The following DCHS1 variants were observed in gnomAD, a reference collection of about 807,000 sequenced individuals.
DCHS1 encodes the protein protocadherin-16.
Under a neutral mutation model 213.9 loss-of-function variants are expected in DCHS1, and 78 were observed. That is an observed-to-expected ratio of 0.36 (90% CI 0.30 to 0.44). The LOEUF (loss-of-function observed/expected upper bound fraction) is 0.44. Among genes scored for constraint, DCHS1 ranks in the 20% least tolerant of loss-of-function variants. DCHS1 has a pLI of 1.00. For synonymous variants in DCHS1, 1,828 were observed against 1,873.7 expected, an observed-to-expected ratio of 0.98 and a Z score of 0.63; for missense variants, 3,946 against 4,395.9, an observed-to-expected ratio of 0.90 and a Z score of 2.89.
At position 6,633,065 on chromosome 11, in the gene DCHS1, G is replaced by C; in HGVS notation, c.2456-9C>G. 6.3e-7 allele frequency: 1 copy of C among 1,580,452 alleles called. No individual in the cohort carries two copies. Among genetic ancestry groups the C allele is most frequent in the Non-Finnish European group, 8.6e-7 (1 of 1,160,972 alleles). On this transcript the variant is annotated splice_polypyrimidine_tract_variant and intron_variant, in intron 5 of 20. Coordinates refer to ENST00000299441, the MANE Select transcript of DCHS1 (RefSeq NM_003737.4). ...CACAGGTGCCAAGCGACCTAGGGAG[G>C]ATGAAAAAGGGATCAGGAAAGAGAT...
chr11:6,623,018 A>G lies in DCHS1; in HGVS notation c.8658T>C (p.Gly2886=). ...GTGCTTCCCGCCGGGTCCGGCCCCCACCCCCAGAGGTGGCTGTTCCGCTGC... is the reference window on the plus strand; with the variant it reads ...GTGCTTCCCGCCGGGTCCGGCCCCCGCCCCCAGAGGTGGCTGTTCCGCTGC... The part of the protein sequence containing the change: ...APGSGTATSG[G]GGRTRREAPR... The change falls in exon 21 of 21, where the codon GGT becomes GGC. Residue 2886 remains glycine, a synonymous_variant. Transcript: ENST00000299441. 1 of 1,572,262 alleles carries G rather than the reference A, an allele frequency of 6.4e-7. No homozygotes were observed. Among genetic ancestry groups the G allele is most frequent in the Non-Finnish European group, 8.6e-7 (1 of 1,159,498 alleles).
intron 1 of DCHS1, among the ~76,000 whole-genome samples, chr11:6,644,796 A>T (rs1856132644): frequency 1.3e-5 from 2 of 152,286 alleles, no homozygotes; most frequent in South Asian, 4.1e-4. Context: ...ACACACACAA[A>T]CACATGTGAG....
In DCHS1 at chr11:6,624,773, G is replaced by A. The variant is rs749915710; in HGVS notation, c.7242C>T (p.His2414=). ...DSGANGHISY[H]LASPADGFSV... is the part of the protein sequence containing the mutation. ...TGAAGCCATCGGCAGGGGAAGCCAG[G>A]TGGTAGGAAATGTGACCGTTGGCAC... Residue 2414 remains histidine, a synonymous_variant, in exon 20 of 21, where the codon CAC becomes CAT. Transcript: ENST00000299441. 1 of 1,613,936 alleles carries A rather than the reference G, an allele frequency of 6.2e-7. No individual in the cohort carries two copies. The highest frequency in any genetic ancestry group is 1.1e-5 in the South Asian group (1 of 91,060).
Position 6,640,644 on chromosome 11 carries a change from G to C in DCHS1, c.970C>G (p.Gln324Glu), listed in dbSNP as rs1211494469. The change falls in exon 2 of 21, where the codon CAG (glutamine) becomes GAG (glutamate). Residue 324 changes from glutamine to glutamate, a missense_variant. This residue lies in a region of DCHS1 where 3,384 missense variants were observed against 3,780.1 expected (regional missense o/e 0.90). Coordinates refer to ENST00000299441, the MANE Select transcript of DCHS1 (RefSeq NM_003737.4). The surrounding 1 kb of genome is among the most constrained non-coding windows in gnomAD (Gnocchi z 6.5). Reference sequence around the variant, plus strand: ...ACCACCAGTTCATGGACCCGCCGCTGCTCAAAGTCCAGTGGCCGCTCTAAC... The same window carrying C: ...ACCACCAGTTCATGGACCCGCCGCTCCTCAAAGTCCAGTGGCCGCTCTAAC... Reference protein sequence around the residue: ...LQLERPLDFEQRRVHELVVQA... With the variant: ...LQLERPLDFEERRVHELVVQA... 6.2e-7 allele frequency: 1 copy of C among 1,612,174 alleles called. No individual in the cohort carries two copies. Among genetic ancestry groups the C allele is most frequent in the African/African-American group, 1.3e-5 (1 of 74,922 alleles).
chr11:6,630,185 TGAC>T lies in DCHS1; in HGVS notation c.4606_4608del (p.Val1536del). 1 of 1,593,038 alleles carries T rather than the reference TGAC, an allele frequency of 6.3e-7. No homozygotes were observed. Among genetic ancestry groups the T allele is most frequent in the Non-Finnish European group, 8.5e-7 (1 of 1,170,324 alleles). On this transcript the variant is annotated inframe_deletion, in exon 10 of 21. Transcript: ENST00000299441. ...ACAGGCGCGTTGTCATTCTCATCCG[TGAC>T]GAAGACGCGCGCTGAAACGCGCGCT...
rs754088040 is a variant in DCHS1, at chr11:6,624,162, T to C, written c.7514A>G (p.Glu2505Gly). 1 of 1,612,924 alleles carries C rather than the reference T, an allele frequency of 6.2e-7. No homozygotes were observed. Among genetic ancestry groups the C allele is most frequent in the Non-Finnish European group, 8.5e-7 (1 of 1,179,584 alleles). The change falls in exon 21 of 21, where the codon GAG (glutamate) becomes GGG (glycine). Residue 2505 changes from glutamate to glycine, a missense_variant. This residue lies in a region of DCHS1 where 3,384 missense variants were observed against 3,780.1 expected (regional missense o/e 0.90). Coordinates refer to ENST00000299441, the MANE Select transcript of DCHS1 (RefSeq NM_003737.4). ...LPPGSTLLTL[E>G]ATDADGSRSH... ...GCGGCTTCCATCAGCATCTGTAGCC[T>C]CCAGGGTGAGCAGAGTGGAGCCAGG...
Position 6,626,170 on chromosome 11 carries a change from T to G in DCHS1, c.6575A>C (p.Gln2192Pro). The G allele has an allele frequency of 6.2e-7, 1 of 1,604,800 alleles. No homozygotes were observed. Among genetic ancestry groups the G allele is most frequent in the Non-Finnish European group, 8.5e-7 (1 of 1,175,738 alleles). Residue 2192 changes from glutamine to proline, a missense_variant and splice_region_variant, in exon 16 of 21, where the codon CAG becomes CCG. Around this residue, in one of 3 missense-constraint regions of DCHS1, gnomAD observed 3,384 missense variants for 3,780.1 expected, o/e 0.90. Coordinates refer to ENST00000299441, the MANE Select transcript of DCHS1 (RefSeq NM_003737.4). The surrounding 1 kb of genome is among the most constrained non-coding windows in gnomAD (Gnocchi z 5.2). ...ESRPLEGPLL[Q>P]VEADDLDQGS... ...CAATCTTTCCATCACACCCCGCACC[T>G]GCAGCAGGGGCCCCTCCAAGGGCCG...
At position 6,626,850 on chromosome 11, in the gene DCHS1, C is replaced by G. The variant is rs199748499; in HGVS notation, c.6189G>C (p.Glu2063Asp). The change falls in exon 14 of 21, where the codon GAG becomes GAC. Residue 2063 changes from glutamate to aspartate, a missense_variant. Around this residue, in one of 3 missense-constraint regions of DCHS1, gnomAD observed 3,384 missense variants for 3,780.1 expected, o/e 0.90. Coordinates refer to ENST00000299441, the MANE Select transcript of DCHS1 (RefSeq NM_003737.4). This position sits in a 1 kb window ranked among gnomAD's most constrained non-coding sequence, Gnocchi z 5.2. ...TAGCCCGGGGAAAGCGGGGTCCACG[C>G]TCAGCTTCCCCCTGCAGTCCAACAA... ...VIIVGLQGEA[E>D]RGPRFPRASS... 34 of 1,613,348 alleles carry G rather than the reference C, an allele frequency of 2.1e-5. No homozygotes were observed. The African/African-American group carries it at 3.1e-4, about 15-fold the overall frequency.
intron 2 of DCHS1, among the ~76,000 whole-genome samples, chr11:6,637,654 T>A (rs1200191105): frequency 6.6e-6 from 1 of 151,962 alleles, no homozygotes; most frequent in Admixed American, 6.6e-5. Context: ...GATACTCTCA[T>A]AAATTGCTCA....
intron 12 of DCHS1, among the ~76,000 whole-genome samples, 185 bp downstream of exon 12, chr11:6,629,267 T>G (rs1855861477): frequency 6.6e-6 from 1 of 152,210 alleles, no homozygotes; most frequent in Non-Finnish European, 1.5e-5. Context: ...GTTGTGACAG[T>G]CTAGAAGTCA....
intron 2 of DCHS1, among the ~76,000 whole-genome samples, chr11:6,637,187 A>T (rs1855997812): frequency 6.6e-6 from 1 of 152,136 alleles, no homozygotes; most frequent in Admixed American, 6.5e-5. Context: ...TAGAGGTCTG[A>T]CCCTCTGATC....
Position 6,625,601 on chromosome 11 carries a change from T to G in DCHS1, c.6858A>C (p.Ser2286=). The change falls in exon 18 of 21, where the codon TCA becomes TCC. Residue 2286 remains serine (S), a synonymous_variant. Transcript: ENST00000299441. This position sits in a 1 kb window ranked among gnomAD's most constrained non-coding sequence, Gnocchi z 5.3. ...ACCCACTTTACCCAGCCTCACCTTCTGACACTCGGAGCTCCCAGGGTTGGG... is the reference window on the plus strand; with the variant it reads ...ACCCACTTTACCCAGCCTCACCTTCGGACACTCGGAGCTCCCAGGGTTGGG... The part of the protein sequence containing the change: ...TIPQPWELRV[S]EDALLGSEIA... 6.2e-7 allele frequency: 1 copy of G among 1,613,622 alleles called. No individual in the cohort carries two copies. Among genetic ancestry groups the G allele is most frequent in the Non-Finnish European group, 8.5e-7 (1 of 1,179,824 alleles).
rs1855821629 is a variant in DCHS1, at chr11:6,627,180, G to A, written c.5859C>T (p.Val1953=). 6.2e-7 allele frequency: 1 copy of A among 1,612,770 alleles called. No individual in the cohort carries two copies. Among genetic ancestry groups the A allele is most frequent in the Non-Finnish European group, 8.5e-7 (1 of 1,179,428 alleles). The change falls in exon 14 of 21, where the codon GTC becomes GTT. Residue 1953 remains valine (V), a synonymous_variant. Transcript: ENST00000299441. This position sits in a 1 kb window ranked among gnomAD's most constrained non-coding sequence, Gnocchi z 5.4. ...TGGGGAAGGTGGGTGCATGGTCATT[G>A]ACATCGCGCACCGTGATGGTGACAG... ...TVSVTITVRD[V]NDHAPTFPTS...
At position 6,634,316 on chromosome 11, in the gene DCHS1, G is replaced by C; in HGVS notation, c.1798-10C>G. ...CGTCTGTGGCTGTCACCTAGGGAGA[G>C]GCTGGGGTGAGTGGTGTCCCCTCTT... On this transcript the variant is annotated splice_polypyrimidine_tract_variant and intron_variant, in intron 2 of 20. Coordinates refer to ENST00000299441, the MANE Select transcript of DCHS1 (RefSeq NM_003737.4). 1 of 1,577,210 alleles carries C rather than the reference G, an allele frequency of 6.3e-7. No individual in the cohort carries two copies.
At chr11:6,653,040 G>C (rs552169254) in intron 1 of DCHS1, among the ~76,000 whole-genome samples, 3 of 152,014 alleles carry the variant, frequency 2.0e-5, no homozygotes, top group African/African-American at 4.8e-5. Flanking sequence ...TGATCATATC[G>C]CTCCAAGCTT....
Position 6,631,149 on chromosome 11 carries a change from G to A in DCHS1, c.3834C>T (p.Pro1278=), listed in dbSNP as rs1485832326. ...PHSGELLTAA[P]LIRAERPHYV... ...AGTGGGGCCGCTCTGCTCGGATCAG[G>A]GGAGCTGCAGTGAGCAGCTCCCCTG... Residue 1278 remains proline (P), a synonymous_variant, in exon 9 of 21, where the codon CCC becomes CCT. Coordinates refer to ENST00000299441, the MANE Select transcript of DCHS1 (RefSeq NM_003737.4). The A allele has an allele frequency of 1.9e-6, 3 of 1,612,754 alleles. No homozygotes were observed. In the East Asian group the frequency reaches 6.7e-5, roughly 36 times the overall value.
rs1484126514 is a variant in DCHS1 at position 6,640,457 on chromosome 11, G to C, written c.1157C>G (p.Ala386Gly). The C allele has an allele frequency of 6.2e-7, 1 of 1,613,832 alleles. No homozygotes were observed. Reference protein sequence around the residue: ...SEAAPPGQLVARISVSDPDDG... With the variant: ...SEAAPPGQLVGRISVSDPDDG... ...ATCTGGGTCTGACACAGAGATGCGA[G>C]CAACGAGCTGTCCAGGTGGGGCGGC... The change falls in exon 2 of 21, where the codon GCT (alanine) becomes GGT (glycine). Residue 386 changes from alanine to glycine, a missense_variant. By Grantham distance (60) the Ala-to-Gly change is moderately conservative (BLOSUM62 0). This residue lies in a region of DCHS1 where 3,384 missense variants were observed against 3,780.1 expected (regional missense o/e 0.90). Coordinates refer to ENST00000299441, the MANE Select transcript of DCHS1 (RefSeq NM_003737.4). The surrounding 1 kb of genome is among the most constrained non-coding windows in gnomAD (Gnocchi z 6.5).
Position 6,627,737 on chromosome 11 carries a change from G to T in DCHS1, c.5372-70C>A. 4 of 1,503,596 alleles carry T rather than the reference G, an allele frequency of 2.7e-6. No individual in the cohort carries two copies. The highest frequency in any genetic ancestry group is 3.6e-6 in the Non-Finnish European group (4 of 1,112,944). The allele number at this position is 1,503,596 out of a possible 1,614,324, so 93.1% of individuals were successfully genotyped here. A position where few individuals can be genotyped will look rare whatever the true frequency, so the allele number is the denominator to read the frequency against. On this transcript the variant is annotated intron_variant, in intron 13 of 20. Transcript: ENST00000299441. The surrounding 1 kb of genome is among the most constrained non-coding windows in gnomAD (Gnocchi z 5.4). ...GATGGGGGTGATTTACAGACAACAG[G>T]AGAGAGTGAGCATGTGCACAAAAGC... is the stretch of plus-strand genomic sequence containing the variant.
At chr11:6,645,651 C>G (rs1388962715) in intron 1 of DCHS1, among the ~76,000 whole-genome samples, 1 of 152,166 alleles carries the variant, frequency 6.6e-6, no homozygotes, top group East Asian at 1.9e-4. Flanking sequence ...GATCAGACTT[C>G]AAGAGGAGAG....
Sources: allele counts gnomAD v4.1 joint callset (sites outside exome capture counted in the v4.1 genomes callset), GRCh38; gene constraint gnomAD v4.1.1; regional missense constraint gnomAD v4.1.1; non-coding constraint Gnocchi (gnomAD v3.1); transcripts MANE v1.5; gene names NCBI Gene and HGNC (gene_info 2026-07-23, HGNC 2026-07-21).